Variants in CPPED1 observed in about 807,000 individuals in gnomAD.
The protein encoded by CPPED1 is calcineurin like phosphoesterase domain containing 1, also known as serine/threonine-protein phosphatase CPPED1.
Under a neutral mutation model 28.0 loss-of-function variants are expected in CPPED1, and 28 were observed. The observed-to-expected ratio is 1.00, with a 90% CI of 0.74 to 1.37. The LOEUF is 1.37. Among genes scored for constraint, CPPED1 ranks in the 40% most tolerant of loss-of-function variants. The pLI is 0.00. For synonymous variants in CPPED1, 198 were observed against 180.2 expected (o/e 1.10, Z -0.79); for missense variants, 504 against 416.5 (o/e 1.21, Z -1.83).
intron 2 of CPPED1, among the ~76,000 whole-genome samples, chr16:12,737,796 G>A (rs1027926440): frequency 6.6e-6 from 1 of 152,242 alleles, no homozygotes; most frequent in African/African-American, 2.4e-5. Flanking sequence ...ATAAGGAACA[G>A]TGGGAGGGAG....
intron 2 of CPPED1, among the ~76,000 whole-genome samples, chr16:12,730,685 A>G (rs2080192581): frequency 6.6e-6 from 1 of 152,248 alleles, no homozygotes; most frequent in Non-Finnish European, 1.5e-5. Context: ...AAGAAGCCAG[A>G]AGACACAAGA....
intron 1 of CPPED1, among the ~76,000 whole-genome samples, chr16:12,797,356 AC>A: frequency 6.6e-6 from 1 of 152,262 alleles, no homozygotes; most frequent in East Asian, 1.9e-4. Flanking sequence ...TTCAAGACTA[AC>A]CTGAGTGACA....
rs2080070019 is a variant in CPPED1, at chr16:12,709,776, C to T, written c.290-4727G>A. 6.6e-6 allele frequency among the ~76,000 whole-genome samples: 1 copy of T among 152,064 alleles called. No homozygotes were observed. Among genetic ancestry groups the T allele is most frequent in the Non-Finnish European group, 1.5e-5 (1 of 68,006 alleles). On this transcript the variant is annotated intron_variant, in intron 2 of 3. Transcript: ENST00000381774. This position sits in a 1 kb window ranked among gnomAD's most constrained non-coding sequence, Gnocchi z 4.4. ...ATGGTGAAAGACTGACTGCCTTCCT[C>T]CAAGATCAGGAACAAGACAAGGAAG...
chr16:12,792,627 T>C (rs1416568215), intron 1 of CPPED1, among the ~76,000 whole-genome samples: 3 of 152,150 alleles, frequency 2.0e-5, no homozygotes, highest in Admixed American at 2.0e-4. Flanking sequence ...GCTCCCATAA[T>C]TCCCACATGT....
At chr16:12,740,594 T>C (rs1009572768) in intron 2 of CPPED1, among the ~76,000 whole-genome samples, 1 of 152,078 alleles carries the variant, frequency 6.6e-6, no homozygotes, top group African/African-American at 2.4e-5. Context: ...CACAGCTAAA[T>C]GTCAAATTAG....
chr16:12,803,643 G>A lies in CPPED1; in HGVS notation c.70+64C>T, dbSNP rs535212470. 247 of 1,340,100 alleles carry A rather than the reference G, an allele frequency of 1.8e-4. No individual in the cohort carries two copies. The African/African-American group carries it at 3.2e-3, about 18-fold the overall frequency. The allele number at this position is 1,340,100 out of a possible 1,614,324, so 83.0% of individuals were successfully genotyped here. A position where few individuals can be genotyped will look rare whatever the true frequency, so the allele number is the denominator to read the frequency against. Reference sequence around the variant, plus strand: ...TGGCGGAGCGCACACCTGAACAAAAGGTTCCCCCGGCGGAAGGTTCCGCAG... The same window carrying A: ...TGGCGGAGCGCACACCTGAACAAAAAGTTCCCCCGGCGGAAGGTTCCGCAG... On this transcript the variant is annotated intron_variant, in intron 1 of 3. Transcript: ENST00000381774.
intron 2 of CPPED1, among the ~76,000 whole-genome samples, chr16:12,707,673 CT>C (rs1184861586): frequency 6.6e-6 from 1 of 152,136 alleles, no homozygotes; most frequent in Non-Finnish European, 1.5e-5. Flanking sequence ...GAAAGGCTGA[CT>C]TGGGAAGGAA....
chr16:12,745,812 TA>T (rs1303215131), intron 2 of CPPED1: 1 of 152,200 alleles, frequency 6.6e-6, no homozygotes, highest in Non-Finnish European at 1.5e-5. Flanking sequence ...ACAAGTTACC[TA>T]TGTAATAAAC....
intron 2 of CPPED1, among the ~76,000 whole-genome samples, chr16:12,778,492 T>G (rs981849149): frequency 6.6e-6 from 1 of 152,124 alleles, no homozygotes; most frequent in East Asian, 1.9e-4. Context: ...GCCAGGCTGG[T>G]CTTGAATTCC....
intron 3 of CPPED1, among the ~76,000 whole-genome samples, chr16:12,677,462 A>G (rs2079883386): frequency 6.6e-6 from 1 of 152,206 alleles, no homozygotes; most frequent in African/African-American, 2.4e-5. Context: ...AACATGGCAA[A>G]ACCCTGTCTC....
rs1379456426 is a variant in CPPED1, at chr16:12,704,677, A to C, written c.662T>G (p.Phe221Cys). The change falls in exon 3 of 4, where the codon TTC (phenylalanine) becomes TGC (cysteine). Residue 221 changes from phenylalanine (F) to cysteine (C), a missense_variant. Transcript: ENST00000381774. Reference sequence around the variant, plus strand: ...CTTCCGAGTGGACTTGCTGAGGTTGAAGTAGTAGTCGTCGTCCTCGTCGAT... The same window carrying C: ...CTTCCGAGTGGACTTGCTGAGGTTGCAGTAGTAGTCGTCGTCCTCGTCGAT... ...ESIDEDDDYY[F>C]NLSKSTRKKL... The C allele has an allele frequency of 1.2e-6, 2 of 1,614,004 alleles. No individual in the cohort carries two copies. Among genetic ancestry groups the C allele is most frequent in the Admixed American group, 1.7e-5 (1 of 60,008 alleles).
intron 1 of CPPED1, among the ~76,000 whole-genome samples, chr16:12,784,648 C>T (rs1240887632): frequency 4.0e-5 from 6 of 151,836 alleles, no homozygotes. Context: ...CCAATGAATG[C>T]TTCTAGCTGT....
intron 2 of CPPED1, among the ~76,000 whole-genome samples, chr16:12,725,250 C>T (rs529096337): frequency 2.0e-5 from 3 of 152,102 alleles, no homozygotes; most frequent in Non-Finnish European, 4.4e-5. Context: ...TGTGCCACCA[C>T]ACCTGGCTAA....
intron 2 of CPPED1, among the ~76,000 whole-genome samples, chr16:12,726,572 A>C (rs1386413438): frequency 6.6e-6 from 1 of 151,744 alleles, no homozygotes; most frequent in Non-Finnish European, 1.5e-5. Flanking sequence ...TGAACTCCTG[A>C]CCTCAAGTGA....
chr16:12,731,228 A>G (rs1286835321), intron 2 of CPPED1, among the ~76,000 whole-genome samples: 1 of 150,004 alleles, frequency 6.7e-6, no homozygotes, highest in African/African-American at 2.5e-5. Context: ...ATCTCGGCTC[A>G]CTGCAAGCTC....
At chr16:12,737,378 A>G (rs1156898138) in intron 2 of CPPED1, among the ~76,000 whole-genome samples, 1 of 152,104 alleles carries the variant, frequency 6.6e-6, no homozygotes, top group Non-Finnish European at 1.5e-5. Flanking sequence ...AGGGAACAGA[A>G]TGTGAAAAGG....
chr16:12,696,566 T>C (rs1624560), intron 3 of CPPED1, among the ~76,000 whole-genome samples: 150,259 of 151,542 alleles, frequency 0.99, 74,536 homozygotes, highest in Non-Finnish European at 1. Flanking sequence ...CTCAGCCTCC[T>C]GAGTAGCTGG....
chr16:12,759,163 T>TACAAAAAAAAAAAAA (rs750180409), intron 2 of CPPED1: 1 of 74,360 alleles, frequency 1.3e-5, no homozygotes, highest in African/African-American at 5.4e-5. Context: ...ACTCTGTCTC[T>TACAAAAAAAAAAAAA]AAAAAAAAAA....
At chr16:12,792,143 A>C (rs1034545261) in intron 1 of CPPED1, among the ~76,000 whole-genome samples, 1 of 152,026 alleles carries the variant, frequency 6.6e-6, no homozygotes, top group African/African-American at 2.4e-5. Flanking sequence ...AGTAGAGATG[A>C]GGTTTCACCA....
Sources: gnomAD v4.1 joint callset for allele counts (sites outside exome capture counted in the v4.1 genomes callset) on GRCh38, gnomAD v4.1.1 for gene constraint, Gnocchi (gnomAD v3.1) non-coding constraint, MANE v1.5 for transcripts, NCBI Gene and HGNC (gene_info 2026-07-23, HGNC 2026-07-21) for gene names.